TRIP12: variants seen among roughly 807,000 people sequenced by gnomAD.
TRIP12 encodes the protein E3 ubiquitin-protein ligase TRIP12.
In TRIP12, 25 loss-of-function variants were observed where a neutral mutation model predicts 244.2. The observed-to-expected ratio is 0.10, with a 90% confidence interval of 0.07 to 0.14. The LOEUF is 0.14. Ranked by LOEUF, TRIP12 falls within the 10% of genes least tolerant of loss-of-function variation. TRIP12 has a pLI of 1.00. For missense variants in TRIP12, 1,677 were observed against 2,486.4 expected (o/e 0.67, Z 6.92); for synonymous variants, 905 against 873.1 (o/e 1.04, Z -0.64).
At chr2:229,816,237 C>T (rs776575753) in intron 9 of TRIP12, among the ~76,000 whole-genome samples, 7 of 151,660 alleles carry the variant, frequency 4.6e-5, no homozygotes, top group Non-Finnish European at 1.0e-4. Flanking sequence ...GTAAAGTATA[C>T]CTACATACCA....
chr2:229,823,600 C>T (rs569406749), intron 8 of TRIP12, among the ~76,000 whole-genome samples: 3 of 151,178 alleles, frequency 2.0e-5, no homozygotes, highest in East Asian at 2.0e-4. Flanking sequence ...GGCGTGAACC[C>T]GGGAGGCGGA....
intron 1 of TRIP12, among the ~76,000 whole-genome samples, chr2:229,918,321 T>G (rs1009777723): frequency 1.3e-5 from 2 of 152,194 alleles, no homozygotes; most frequent in Non-Finnish European, 2.9e-5. Context: ...CCAAGTAGGT[T>G]GCTGTTTTGA....
chr2:229,894,750 C>T (rs1362381009), intron 1 of TRIP12, among the ~76,000 whole-genome samples: 2 of 152,206 alleles, frequency 1.3e-5, no homozygotes, highest in Non-Finnish European at 1.5e-5. Context: ...GATCACTTAA[C>T]GCAGCGATGC....
intron 2 of TRIP12, among the ~76,000 whole-genome samples, chr2:229,871,302 T>G (rs2062557899): frequency 6.6e-6 from 1 of 152,174 alleles, no homozygotes; most frequent in African/African-American, 2.4e-5. Context: ...CTTTGCAATA[T>G]TAGAAAATTA....
At chr2:229,781,291 C>T (rs1458201905) in intron 34 of TRIP12, among the ~76,000 whole-genome samples, 1 of 152,136 alleles carries the variant, frequency 6.6e-6, no homozygotes, top group African/African-American at 2.4e-5. Context: ...GCATAAAACC[C>T]CAGAAACAGA....
chr2:229,878,219 G>C (rs2064007770), intron 2 of TRIP12, among the ~76,000 whole-genome samples: 1 of 152,080 alleles, frequency 6.6e-6, no homozygotes, highest in African/African-American at 2.4e-5. Context: ...TGAGGCCAAG[G>C]CCAATGGATC....
chr2:229,922,656 C>A, upstream of TRIP12: 1 of 1,595,306 alleles, frequency 6.3e-7, no homozygotes, highest in Non-Finnish European at 8.6e-7. Flanking sequence ...CCCTACCTGG[C>A]CCGGTTGGGG....
chr2:229,869,047 C>A (rs1238539506), intron 2 of TRIP12, among the ~76,000 whole-genome samples: 1 of 152,182 alleles, frequency 6.6e-6, no homozygotes. Flanking sequence ...AGCAAGGTAT[C>A]TGAATATCTG....
chr2:229,869,366 G>A (rs2062118803), intron 2 of TRIP12, among the ~76,000 whole-genome samples: 1 of 152,070 alleles, frequency 6.6e-6, no homozygotes, highest in South Asian at 2.1e-4. Context: ...CACAATACAC[G>A]CAACTTCGAA....
At chr2:229,829,377 C>T (rs1454781793) in intron 7 of TRIP12, 89 bp from the exon 8 acceptor site, 1 of 1,000,718 alleles carries the variant, frequency 1.0e-6, no homozygotes, top group East Asian at 2.6e-5. Flanking sequence ...ATTCATCTCG[C>T]TTAACTGATT....
intron 9 of TRIP12, among the ~76,000 whole-genome samples, chr2:229,816,889 A>C (rs928250476): frequency 6.6e-6 from 1 of 152,240 alleles, no homozygotes; most frequent in African/African-American, 2.4e-5. Context: ...ATGGACATTA[A>C]CACAGGCAAA....
Position 229,764,978 on chromosome 2 carries a change from G to A in TRIP12, c.*2576C>T, listed in dbSNP as rs1479535079. 6.6e-6 allele frequency: 1 copy of A among 152,170 alleles called. No individual in the cohort carries two copies. Among genetic ancestry groups the A allele is most frequent in the Admixed American group, 6.5e-5 (1 of 15,276 alleles). The allele number at this position is 152,170 out of a possible 1,614,324, so 9.4% of individuals were successfully genotyped here. On this transcript the variant is annotated 3_prime_UTR_variant, in exon 42 of 42. Transcript: ENST00000675903. The stretch of plus-strand genomic sequence containing the variant: ...TGTGTGAAAGGTTTCTGCTGGGTTT[G>A]GCTAAGGCATCTAAAACTCCGTGTC...
intron 1 of TRIP12, among the ~76,000 whole-genome samples, chr2:229,892,336 A>G (rs1410877880): frequency 3.3e-5 from 5 of 152,160 alleles, no homozygotes; most frequent in African/African-American, 1.2e-4. Flanking sequence ...ATTTGTTTAT[A>G]TATGTGTAGG....
At chr2:229,790,156 A>C (rs77597039) in intron 30 of TRIP12, among the ~76,000 whole-genome samples, 2,562 of 152,296 alleles carry the variant, frequency 0.017, 69 homozygotes, top group African/African-American at 0.059. Context: ...GAATACCTCA[A>C]AATTAAAAAT....
chr2:229,777,347 G>C lies in TRIP12; in HGVS notation c.5497C>G (p.Gln1833Glu). The C allele has an allele frequency of 6.2e-7, 1 of 1,613,564 alleles. No homozygotes were observed. Among genetic ancestry groups the C allele is most frequent in the Non-Finnish European group, 8.5e-7 (1 of 1,179,614 alleles). ...TTATCTTGTTCAAGTCTTTTCTTCT[G>C]TCTGACAATGTCTTCTAGGTGATAA... The part of the protein sequence containing the change: ...SVYHLEDIVR[Q>E]KKRLEQDKSQ... The change falls in exon 37 of 42, where the codon CAG (glutamine) becomes GAG (glutamate). Residue 1833 changes from glutamine (Q) to glutamate (E), a missense_variant. By Grantham distance (29) the Gln-to-Glu change is conservative. Around this residue, in one of 11 missense-constraint regions of TRIP12, gnomAD observed 171 missense variants for 388.4 expected, o/e 0.44. Coordinates refer to ENST00000675903, the MANE Select transcript of TRIP12 (RefSeq NM_001348323.3).
chr2:229,903,866 C>CAAA (rs869205971), intron 1 of TRIP12, among the ~76,000 whole-genome samples: 1 of 62,560 alleles, frequency 1.6e-5, no homozygotes, highest in Non-Finnish European at 3.4e-5. Flanking sequence ...ACCAAAAATA[C>CAAA]AAAAAAAAAA....
At chr2:229,874,793 G>A (rs1394444000) in intron 2 of TRIP12, among the ~76,000 whole-genome samples, 1 of 152,122 alleles carries the variant, frequency 6.6e-6, no homozygotes, top group Non-Finnish European at 1.5e-5. Flanking sequence ...TTTTCCTGAA[G>A]CGTCCCAATT....
rs1179701466 is a variant in TRIP12 at position 229,792,912 on chromosome 2, T to A, written c.4141+61A>T. ...AACAGAGAAATAATGTATGTAACTC[T>A]TAATGTAAATTTCTCCCAAATATAC... On this transcript the variant is annotated intron_variant, in intron 27 of 41. Transcript: ENST00000675903. The A allele has an allele frequency of 2.0e-6, 3 of 1,513,138 alleles. No individual in the cohort carries two copies. In the African/African-American group the frequency reaches 4.2e-5, roughly 21 times the overall value. 93.7% of individuals were successfully genotyped at this position (1,513,138 alleles called of 1,614,324 possible). A position where few individuals can be genotyped will look rare whatever the true frequency, so the allele number is the denominator to read the frequency against.
intron 2 of TRIP12, among the ~76,000 whole-genome samples, chr2:229,864,047 A>AGAGAGAGAGAGAGAGAGTGTGTGTGT: frequency 3.8e-5 from 3 of 79,320 alleles, no homozygotes; most frequent in East Asian, 8.7e-4. Context: ...AGAGAGAGAG[A>AGAGAGAGAGAGAGAGAGTGTGTGTGT]GTGTGTGTGT....
Sources: allele counts gnomAD v4.1 joint callset (sites outside exome capture counted in the v4.1 genomes callset), GRCh38; gene constraint gnomAD v4.1.1; regional missense constraint gnomAD v4.1.1; transcripts MANE v1.5; gene names NCBI Gene and HGNC (gene_info 2026-07-23, HGNC 2026-07-21).